KANK4: variants seen among roughly 807,000 people sequenced by gnomAD.
KANK4 encodes KN motif and ankyrin repeat domain-containing protein 4.
KANK4 carries 50 observed loss-of-function variants against 80.8 expected under a neutral mutation model. The ratio of observed to expected loss-of-function variants is 0.62; its 90% CI spans 0.49 to 0.78. The LOEUF is 0.78. Among genes scored for constraint, KANK4 ranks in the 30% least tolerant of loss-of-function variants. The pLI is 0.00. For synonymous variants in KANK4, 465 were observed against 506.9 expected (o/e 0.92, Z 1.11); for missense variants, 1,196 against 1,240.1 (o/e 0.96, Z 0.53).
chr1:62,272,204 T>C (rs966030501), intron 3 of KANK4: 2 of 152,924 alleles, frequency 1.3e-5, no homozygotes, highest in Non-Finnish European at 2.9e-5. Context: ...AAGCAAAACG[T>C]GGTTCCACTT....
Position 62,311,453 on chromosome 1 carries a change from C to T in KANK4, c.-71+7653G>A, listed in dbSNP as rs577776190. Among the ~76,000 whole-genome samples the T allele has an allele frequency of 3.2e-4, 48 of 152,182 alleles. 1 individual carries two copies. In the South Asian group the frequency reaches 7.9e-3, roughly 25 times the overall value. On this transcript the variant is annotated intron_variant, in intron 1 of 9. Transcript: ENST00000371153. ...CTCTAATAAATATTGCTCCAGTAGA[C>T]GCTCCTGTTTCCTGGCTTCCTCCTC...
At position 62,238,052 on chromosome 1, in the gene KANK4, G is replaced by C; in HGVS notation, c.*225C>G. The C allele has an allele frequency of 2.1e-6, 1 of 481,944 alleles. No individual in the cohort carries two copies. 29.9% of individuals were successfully genotyped at this position (481,944 alleles called of 1,614,324 possible). ...CGACGTACCCCTCACCTTGCACCTT[G>C]AACCCTGCTCTGAAGCCCGTGTAGT... is the stretch of plus-strand genomic sequence containing the variant. On this transcript the variant is annotated 3_prime_UTR_variant, in exon 10 of 10. Transcript: ENST00000371153.
intron 1 of KANK4, among the ~76,000 whole-genome samples, chr1:62,314,567 T>C (rs550208350): frequency 7.2e-5 from 11 of 152,086 alleles, no homozygotes; most frequent in Admixed American, 7.2e-4. Flanking sequence ...GTGGAGCAAA[T>C]TCTCCCTATG....
intron 3 of KANK4, chr1:62,272,231 G>C (rs1404429290): frequency 2.0e-5 from 3 of 152,984 alleles, no homozygotes; most frequent in Non-Finnish European, 2.9e-5. Context: ...ACAGTGAAGA[G>C]GGTTTGATCT....
chr1:62,265,216 T>C (rs536889550), intron 6 of KANK4, among the ~76,000 whole-genome samples: 1 of 152,044 alleles, frequency 6.6e-6, no homozygotes, highest in South Asian at 2.1e-4. Flanking sequence ...TTGATCAACA[T>C]CCACATCACA....
intron 8 of KANK4, among the ~76,000 whole-genome samples, chr1:62,249,124 T>G (rs1287215343): frequency 6.9e-6 from 1 of 144,332 alleles, no homozygotes; most frequent in Admixed American, 7.1e-5. Context: ...GAGATTGCAC[T>G]ACTGCACTCC....
At chr1:62,303,537 G>A (rs896227552) in intron 1 of KANK4, among the ~76,000 whole-genome samples, 8 of 151,930 alleles carry the variant, frequency 5.3e-5, no homozygotes, top group African/African-American at 7.2e-5. Flanking sequence ...AAACTAAGTC[G>A]TCTTGGTTCA....
At chr1:62,282,890 C>T (rs967462244) in intron 1 of KANK4, among the ~76,000 whole-genome samples, 1 of 152,178 alleles carries the variant, frequency 6.6e-6, no homozygotes, top group African/African-American at 2.4e-5. Context: ...GGCAGTGCAC[C>T]AGCACATCCT....
chr1:62,263,805 T>C (rs1183640907), intron 6 of KANK4, among the ~76,000 whole-genome samples: 1 of 152,180 alleles, frequency 6.6e-6, no homozygotes, highest in African/African-American at 2.4e-5. Flanking sequence ...CATCTCCAAT[T>C]TATGCTTGAA....
At chr1:62,295,199 C>T (rs911051102) in intron 1 of KANK4, among the ~76,000 whole-genome samples, 3 of 151,528 alleles carry the variant, frequency 2.0e-5, no homozygotes, top group Non-Finnish European at 2.9e-5. Flanking sequence ...AGTGCAGTGG[C>T]GCCATCTTGG....
rs1187829953 is a variant in KANK4 at position 62,237,092 on chromosome 1, C to G, written c.*1185G>C. On this transcript the variant is annotated 3_prime_UTR_variant, in exon 10 of 10. Coordinates refer to ENST00000371153, the MANE Select transcript of KANK4 (RefSeq NM_181712.5). ...AAGCTTTTGAGTTTCCAATGTAAAG[C>G]TCATCAAACTTTGACATTACTTCTT... 6.7e-6 allele frequency: 1 copy of G among 150,222 alleles called. No individual in the cohort carries two copies. The highest frequency in any genetic ancestry group is 1.5e-5 in the Non-Finnish European group (1 of 67,848). The allele number at this position is 150,222 out of a possible 1,614,324, so 9.3% of individuals were successfully genotyped here. A position where few individuals can be genotyped will look rare whatever the true frequency, so the allele number is the denominator to read the frequency against.
intron 1 of KANK4, among the ~76,000 whole-genome samples, chr1:62,309,802 T>C (rs188132077): frequency 6.6e-5 from 10 of 152,160 alleles, no homozygotes; most frequent in African/African-American, 2.4e-4. Context: ...AGGTAACACA[T>C]CTACATTTTA....
At chr1:62,247,776 C>CT in intron 8 of KANK4, 104 bp from the exon 9 acceptor site, 2 of 910,378 alleles carry the variant, frequency 2.2e-6, no homozygotes, top group Non-Finnish European at 3.5e-6. Context: ...ACCACAACCA[C>CT]TGATTTGAAT....
chr1:62,271,721 C>T, intron 3 of KANK4, 132 bp from the exon 4 acceptor site: 1 of 642,468 alleles, frequency 1.6e-6, no homozygotes, highest in Non-Finnish European at 2.8e-6. Context: ...GGAACCAGAT[C>T]ATGTAAATCA....
chr1:62,299,412 C>A (rs1252474088), intron 1 of KANK4, among the ~76,000 whole-genome samples: 2 of 152,026 alleles, frequency 1.3e-5, no homozygotes, highest in Admixed American at 6.6e-5. Flanking sequence ...TCTGTGCCCA[C>A]CTGAGTCTAG....
intron 7 of KANK4, among the ~76,000 whole-genome samples, chr1:62,253,671 CAAAGTG>C (rs1671683127): frequency 6.6e-6 from 1 of 152,124 alleles, no homozygotes; most frequent in African/African-American, 2.4e-5. Flanking sequence ...CTTGGCTTCG[CAAAGTG>C]CTGAGATTAC....
intron 5 of KANK4, among the ~76,000 whole-genome samples, chr1:62,267,540 G>A (rs749356655): frequency 1.3e-5 from 2 of 152,134 alleles, no homozygotes; most frequent in Non-Finnish European, 2.9e-5. Flanking sequence ...GGTAGCTCAT[G>A]CCTATAATCC....
chr1:62,312,344 T>G (rs1354390474), intron 1 of KANK4, among the ~76,000 whole-genome samples: 2 of 152,200 alleles, frequency 1.3e-5, no homozygotes, highest in Non-Finnish European at 2.9e-5. Context: ...AAATACACTG[T>G]GGATTGTTGC....
chr1:62,284,263 C>T (rs1672514209), intron 1 of KANK4, among the ~76,000 whole-genome samples: 1 of 152,152 alleles, frequency 6.6e-6, no homozygotes, highest in Non-Finnish European at 1.5e-5. Context: ...ATGCATGCTA[C>T]CTTGTTTGCA....
Sources: allele counts gnomAD v4.1 joint callset (sites outside exome capture counted in the v4.1 genomes callset), GRCh38; gene constraint gnomAD v4.1.1; transcripts MANE v1.5; gene names NCBI Gene and HGNC (gene_info 2026-07-23, HGNC 2026-07-21).